Variants in BEND4 observed in about 807,000 individuals in gnomAD.
BEND4 encodes the protein BEN domain-containing protein 4.
A neutral mutation model predicts 54.7 loss-of-function variants in BEND4; 27 were observed. The ratio of observed to expected loss-of-function variants is 0.49; its 90% confidence interval spans 0.36 to 0.68. The LOEUF (loss-of-function observed/expected upper bound fraction) is 0.68. Ranked by LOEUF, BEND4 falls within the 30% of genes least tolerant of loss-of-function variation. BEND4 has a pLI of 0.00. For synonymous variants in BEND4, 327 were observed against 299.5 expected, an observed-to-expected ratio of 1.09 and a Z score of -0.95; for missense variants, 702 against 697.2, an observed-to-expected ratio of 1.01 and a Z score of -0.08.
intron 3 of BEND4, among the ~76,000 whole-genome samples, chr4:42,141,842 A>T (rs1159039449): frequency 2.6e-5 from 4 of 152,198 alleles, no homozygotes; most frequent in Non-Finnish European, 5.9e-5. Flanking sequence ...GAACCCCAAT[A>T]TATTAGAATA....
intron 2 of BEND4, among the ~76,000 whole-genome samples, chr4:42,145,743 G>T (rs1182508669): frequency 6.6e-6 from 1 of 151,638 alleles, no homozygotes; most frequent in African/African-American, 2.4e-5. Flanking sequence ...ACAGTGTTTG[G>T]CACATAGGAA....
chr4:42,128,035 G>A (rs1395431618), intron 3 of BEND4, among the ~76,000 whole-genome samples: 1 of 152,086 alleles, frequency 6.6e-6, no homozygotes, highest in Admixed American at 6.5e-5. Flanking sequence ...GTGGTGACCT[G>A]TGCCTGTAAT....
Position 42,117,658 on chromosome 4 carries a change from C to T in BEND4, c.1465G>A (p.Asp489Asn), listed in dbSNP as rs1719898013. 1 of 1,611,362 alleles carries T rather than the reference C, an allele frequency of 6.2e-7. No individual in the cohort carries two copies. Among genetic ancestry groups the T allele is most frequent in the Non-Finnish European group, 8.5e-7 (1 of 1,178,796 alleles). ...CCCTGTCGGGCGTGACCGACAGCGT[C>T]GCTGAACACTTTGTTTATCTGCTCT... ...SEEQINKVFS[D>N]AVGHARQGRA... The change falls in exon 6 of 6, where the codon GAC becomes AAC. Residue 489 changes from aspartate (D) to asparagine (N), a missense_variant. Transcript: ENST00000502486.
intron 3 of BEND4, 48 bp from the exon 4 acceptor site, chr4:42,125,722 T>A (rs768620576): frequency 8.0e-7 from 1 of 1,245,148 alleles, no homozygotes. Context: ...TCCCGTAACA[T>A]GAAAATAAAT....
At position 42,136,938 on chromosome 4, in the gene BEND4, G is replaced by A. The variant is rs541770850; in HGVS notation, c.1054+6490C>T. ...GCTGATGAAACTGTTGTGAGCAGAG[G>A]CTCTTAGGAACCTAGCTCTGTATTT... is the stretch of plus-strand genomic sequence containing the variant. On this transcript the variant is annotated intron_variant, in intron 3 of 5. Transcript: ENST00000502486. Among the ~76,000 whole-genome samples the A allele has an allele frequency of 2.6e-4, 40 of 152,320 alleles. No homozygotes were observed. In the East Asian group the frequency reaches 7.3e-3, roughly 28 times the overall value.
In BEND4 at chr4:42,111,197, A is replaced by G. The variant is rs1368842989; in HGVS notation, c.*6321T>C. On this transcript the variant is annotated 3_prime_UTR_variant, in exon 6 of 6. Coordinates refer to ENST00000502486, the MANE Select transcript of BEND4 (RefSeq NM_207406.4). The stretch of plus-strand genomic sequence containing the variant: ...AAATTGTTCACAAAAAAATCTTGCT[A>G]TTCTATATTACACTATGCATTTGTA... 6.6e-6 allele frequency: 1 copy of G among 152,248 alleles called. No individual in the cohort carries two copies. Among genetic ancestry groups the G allele is most frequent in the Non-Finnish European group, 1.5e-5 (1 of 68,034 alleles). The allele number at this position is 152,248 out of a possible 1,614,324, so 9.4% of individuals were successfully genotyped here.
At chr4:42,121,030 T>C (rs1456204439) in intron 4 of BEND4, among the ~76,000 whole-genome samples, 1 of 152,198 alleles carries the variant, frequency 6.6e-6, no homozygotes, top group Non-Finnish European at 1.5e-5. Context: ...GTTTAATCAA[T>C]TGCACCTACA....
intron 3 of BEND4, among the ~76,000 whole-genome samples, chr4:42,137,965 G>A (rs1307246532): frequency 1.3e-5 from 2 of 152,242 alleles, no homozygotes; most frequent in East Asian, 3.9e-4. Context: ...GAGTGTATGG[G>A]AAAAAGGAAA....
Position 42,143,533 on chromosome 4 carries a change from C to T in BEND4, c.949G>A (p.Glu317Lys). ...CGAGGACAATAGCCTTCCTCGTCCT[C>T]CTCCTCCTCCTCTTCTGGCAGTGTA... ...SSTLPEEEEE[E>K]DEEGYCPRCQ... is the part of the protein sequence containing the mutation. The change falls in exon 3 of 6, where the codon GAG becomes AAG. Residue 317 changes from glutamate to lysine, a missense_variant. Glu to Lys is a moderately conservative substitution (Grantham distance 56). Coordinates refer to ENST00000502486, the MANE Select transcript of BEND4 (RefSeq NM_207406.4). The T allele has an allele frequency of 6.4e-7, 1 of 1,555,462 alleles. No homozygotes were observed. The highest frequency in any genetic ancestry group is 8.7e-7 in the Non-Finnish European group (1 of 1,149,008).
intron 3 of BEND4, among the ~76,000 whole-genome samples, chr4:42,134,583 TC>T (rs1253875529): frequency 6.6e-6 from 1 of 152,224 alleles, no homozygotes; most frequent in East Asian, 1.9e-4. Flanking sequence ...TGCGTCTCTG[TC>T]CTCAAAGACC....
rs1277386901 is a variant in BEND4, at chr4:42,120,091, T to G, written c.1350A>C (p.Arg450Ser). The G allele has an allele frequency of 6.2e-7, 1 of 1,613,838 alleles. No homozygotes were observed. The highest frequency in any genetic ancestry group is 8.5e-7 in the Non-Finnish European group (1 of 1,179,864). The change falls in exon 5 of 6, where the codon AGA becomes AGC. Residue 450 changes from arginine (R) to serine (S), a missense_variant. By Grantham distance (110) the Arg-to-Ser change is moderately radical. Coordinates refer to ENST00000502486, the MANE Select transcript of BEND4 (RefSeq NM_207406.4). ...TTACTTTAACTGGATCCAGAGGGCG[T>G]CTTTCGGGACCTGTCTCTCCTGACT... ...SVQSGETGPE[R>S]RPLDPVKVTC...
chr4:42,117,327 A>G lies in BEND4; in HGVS notation c.*191T>C. 1.9e-6 allele frequency: 1 copy of G among 528,384 alleles called. No individual in the cohort carries two copies. The highest frequency in any genetic ancestry group is 3.3e-6 in the Non-Finnish European group (1 of 301,292). 32.7% of individuals were successfully genotyped at this position (528,384 alleles called of 1,614,324 possible). On this transcript the variant is annotated 3_prime_UTR_variant, in exon 6 of 6. Transcript: ENST00000502486. ...TTTTCTTTTTATAATATAATATTCCAAAAGTCTGTTGTAGGTGCCACAGAC... is the reference window on the plus strand; with the variant it reads ...TTTTCTTTTTATAATATAATATTCCGAAAGTCTGTTGTAGGTGCCACAGAC...
intron 3 of BEND4, among the ~76,000 whole-genome samples, chr4:42,141,582 A>T (rs569964137): frequency 3.2e-4 from 48 of 150,070 alleles, no homozygotes; most frequent in South Asian, 1.7e-3. Flanking sequence ...AAATACAATT[A>T]AAAAAAAAAT....
intron 2 of BEND4, among the ~76,000 whole-genome samples, chr4:42,150,097 G>T (rs1460499619): frequency 6.6e-6 from 1 of 152,064 alleles, no homozygotes; most frequent in African/African-American, 2.4e-5. Flanking sequence ...AAAAATACAG[G>T]ATGATAAAGC....
intron 3 of BEND4, among the ~76,000 whole-genome samples, chr4:42,130,103 A>C (rs1720450273): frequency 6.6e-6 from 1 of 152,216 alleles, no homozygotes; most frequent in African/African-American, 2.4e-5. Flanking sequence ...ATGAACAGAC[A>C]CTTCTCAAAA....
At chr4:42,135,604 C>G (rs1720670271) in intron 3 of BEND4, among the ~76,000 whole-genome samples, 1 of 151,898 alleles carries the variant, frequency 6.6e-6, no homozygotes, top group South Asian at 2.1e-4. Context: ...AACCCCGTCT[C>G]TACTAAAAAA....
rs943566674 is a variant in BEND4 at position 42,115,645 on chromosome 4, T to C, written c.*1873A>G. On this transcript the variant is annotated 3_prime_UTR_variant, in exon 6 of 6. Coordinates refer to ENST00000502486, the MANE Select transcript of BEND4 (RefSeq NM_207406.4). ...TGTTTTTCTTCTAGCGAAGATGTCA[T>C]GTTGTCAAAGAATCTTATAAGACAG... 5 of 152,226 alleles carry C rather than the reference T, an allele frequency of 3.3e-5. No homozygotes were observed. The highest frequency in any genetic ancestry group is 1.3e-4 in the Admixed American group (2 of 15,288). 9.4% of individuals were successfully genotyped at this position (152,226 alleles called of 1,614,324 possible). A position where few individuals can be genotyped will look rare whatever the true frequency, so the allele number is the denominator to read the frequency against.
intron 3 of BEND4, among the ~76,000 whole-genome samples, chr4:42,135,490 T>C (rs898090182): frequency 2.0e-5 from 3 of 152,102 alleles, no homozygotes; most frequent in African/African-American, 7.2e-5. Context: ...TACAGTATTA[T>C]GGCTGGGCGC....
chr4:42,131,938 T>C (rs1411964592), intron 3 of BEND4, among the ~76,000 whole-genome samples: 2 of 151,904 alleles, frequency 1.3e-5, no homozygotes, highest in Non-Finnish European at 2.9e-5. Flanking sequence ...ATTTGGAAAA[T>C]CACTCTTGAC....
Sources: gnomAD v4.1 joint callset for allele counts (sites outside exome capture counted in the v4.1 genomes callset) on GRCh38, gnomAD v4.1.1 for gene constraint, MANE v1.5 for transcripts, NCBI Gene and HGNC (gene_info 2026-07-23, HGNC 2026-07-21) for gene names.